Variants in ATXN2 observed in about 807,000 individuals in gnomAD.
ATXN2 encodes ataxin-2.
Under a neutral mutation model 138.6 loss-of-function variants are expected in ATXN2, and 37 were observed. That is an observed-to-expected ratio of 0.27 (90% CI 0.21 to 0.35). The LOEUF (loss-of-function observed/expected upper bound fraction) is 0.35. ATXN2 is among the 10% of genes least tolerant of loss of function. The pLI is 1.00. For synonymous variants in ATXN2, 549 were observed against 543.7 expected (o/e 1.01, Z -0.13); for missense variants, 1,216 against 1,480.3 (o/e 0.82, Z 2.93).
intron 1 of ATXN2, among the ~76,000 whole-genome samples, chr12:111,582,216 G>A (rs549259617): frequency 1.3e-5 from 2 of 152,128 alleles, no homozygotes; most frequent in Admixed American, 6.6e-5. Flanking sequence ...GGCGAAGGCG[G>A]GCAGATCACT....
At position 111,590,587 on chromosome 12, in the gene ATXN2, A is replaced by G. The variant is rs1436180541; in HGVS notation, c.251+8197T>C. Among the ~76,000 whole-genome samples the G allele has an allele frequency of 2.0e-5, 3 of 152,012 alleles. No individual in the cohort carries two copies. The East Asian group carries it at 5.9e-4, about 30-fold the overall frequency. ...GTAGTACCAACTACATGGGAGGCTA[A>G]GGCAGGAGAATCGCTTGAACCCGGG... On this transcript the variant is annotated intron_variant, in intron 1 of 24. Transcript: ENST00000673436.
chr12:111,573,230 T>C (rs1883441538), intron 1 of ATXN2, among the ~76,000 whole-genome samples: 1 of 152,152 alleles, frequency 6.6e-6, no homozygotes, highest in Admixed American at 6.6e-5. Flanking sequence ...TCTTGCTTTG[T>C]TGCCTACGCT....
Position 111,453,440 on chromosome 12 carries a change from T to A in ATXN2, c.3439+237A>T. ...TGCATCAGGCTGCTGTTGCTGCTGC[T>A]GCTGCTTCTCATCAAGCCAAATCCT... On this transcript the variant is annotated intron_variant, in intron 24 of 24. Coordinates refer to ENST00000673436, the MANE Select transcript of ATXN2 (RefSeq NM_001372574.1). The surrounding 1 kb of genome is among the most constrained non-coding windows in gnomAD (Gnocchi z 5.4). The A allele has an allele frequency of 8.0e-7, 1 of 1,256,526 alleles. No individual in the cohort carries two copies. 77.8% of individuals were successfully genotyped at this position (1,256,526 alleles called of 1,614,324 possible). A position where few individuals can be genotyped will look rare whatever the true frequency, so the allele number is the denominator to read the frequency against.
intron 14 of ATXN2, among the ~76,000 whole-genome samples, chr12:111,507,433 AC>A (rs1879215421): frequency 6.7e-6 from 1 of 148,282 alleles, no homozygotes; most frequent in Non-Finnish European, 1.5e-5. Context: ...CCTGGCAGCC[AC>A]CCCGTCTGGG....
chr12:111,531,962 A>G (rs777879897), intron 5 of ATXN2, among the ~76,000 whole-genome samples: 4 of 152,270 alleles, frequency 2.6e-5, no homozygotes, highest in Admixed American at 6.5e-5. Flanking sequence ...ATCTGTTGGC[A>G]TAGTAACATA....
At chr12:111,504,687 T>C (rs1027249165) in intron 14 of ATXN2, among the ~76,000 whole-genome samples, 17 of 152,286 alleles carry the variant, frequency 1.1e-4, no homozygotes, top group African/African-American at 4.1e-4. Context: ...GTTATAAGTG[T>C]ATGGTTATGT....
chr12:111,502,169 G>A (rs948742570), intron 14 of ATXN2, among the ~76,000 whole-genome samples: 8 of 151,880 alleles, frequency 5.3e-5, no homozygotes, highest in Non-Finnish European at 1.0e-4. Context: ...CTAAGATTCA[G>A]GCATGAGCCA....
intron 20 of ATXN2, among the ~76,000 whole-genome samples, chr12:111,466,201 T>TAA (rs770117015): frequency 1.0e-4 from 12 of 119,162 alleles, no homozygotes; most frequent in African/African-American, 2.7e-4. Flanking sequence ...AAATAAAAAA[T>TAA]AAAAAAAAAA....
chr12:111,588,483 G>A (rs1386935180), intron 1 of ATXN2, among the ~76,000 whole-genome samples: 4 of 151,756 alleles, frequency 2.6e-5, no homozygotes, highest in Non-Finnish European at 5.9e-5. Flanking sequence ...TTAGCCAGGC[G>A]AGATGGTGCG....
chr12:111,553,604 A>AAAATTTTTTTTTTT (rs1882237738), intron 3 of ATXN2, among the ~76,000 whole-genome samples: 4 of 85,004 alleles, frequency 4.7e-5, no homozygotes, highest in African/African-American at 7.6e-5. Context: ...AAAAAAAAAA[A>AAAATTTTTTTTTTT]TTTTTTTTTT....
chr12:111,588,991 C>CAAAAAAAAAAAAAA lies in ATXN2; in HGVS notation c.251+9779_251+9792dup, dbSNP rs58116265. Among the ~76,000 whole-genome samples the CAAAAAAAAAAAAAA allele has an allele frequency of 5.7e-4, 22 of 38,706 alleles. 1 individual carries two copies. The highest frequency in any genetic ancestry group is 3.7e-3 in the East Asian group (2 of 534). 25.4% of individuals were successfully genotyped at this position (38,706 alleles called of 152,430 possible). A position where few individuals can be genotyped will look rare whatever the true frequency, so the allele number is the denominator to read the frequency against. On this transcript the variant is annotated intron_variant, in intron 1 of 24. Coordinates refer to ENST00000673436, the MANE Select transcript of ATXN2 (RefSeq NM_001372574.1). ...GCCTGGGCGACAGAGCGAGATTTCT[C>CAAAAAAAAAAAAAA]AAAAAAAAAAAAAAAAAAAAAAAAA...
intron 5 of ATXN2, among the ~76,000 whole-genome samples, chr12:111,539,731 AG>A (rs1428179737): frequency 6.7e-6 from 1 of 150,224 alleles, no homozygotes; most frequent in Admixed American, 6.7e-5. Context: ...CCTGGGCAAC[AG>A]AGCAAGACTC....
At chr12:111,483,621 T>C (rs1048254240) in intron 18 of ATXN2, among the ~76,000 whole-genome samples, 3 of 151,770 alleles carry the variant, frequency 2.0e-5, no homozygotes, top group African/African-American at 7.3e-5. Context: ...CTTCCCAGAG[T>C]GTTGGGCTTA....
chr12:111,466,709 A>G (rs557871732), intron 20 of ATXN2, among the ~76,000 whole-genome samples: 30 of 152,334 alleles, frequency 2.0e-4, no homozygotes, highest in Admixed American at 1.8e-3. Flanking sequence ...TAGTGGTCCT[A>G]TGTTTTCAAT....
At chr12:111,576,132 T>TAACATAACA (rs147474684) in intron 1 of ATXN2, among the ~76,000 whole-genome samples, 2,618 of 138,580 alleles carry the variant, frequency 0.019, 105 homozygotes, top group African/African-American at 0.065. Context: ...TAACATAACA[T>TAACATAACA]AACATCACAC....
intron 16 of ATXN2, among the ~76,000 whole-genome samples, chr12:111,486,247 T>C (rs771778166): frequency 7.2e-5 from 11 of 152,252 alleles, no homozygotes; most frequent in Non-Finnish European, 1.3e-4. Flanking sequence ...CTTGGAATGC[T>C]CAAGTCCCTT....
chr12:111,542,621 C>G (rs932082800), intron 5 of ATXN2, among the ~76,000 whole-genome samples: 3 of 152,138 alleles, frequency 2.0e-5, no homozygotes, highest in Non-Finnish European at 2.9e-5. Flanking sequence ...AGTACACCAC[C>G]ACACCCGGCT....
intron 14 of ATXN2, among the ~76,000 whole-genome samples, chr12:111,505,543 A>T (rs901086357): frequency 6.6e-6 from 1 of 152,266 alleles, no homozygotes; most frequent in African/African-American, 2.4e-5. Context: ...AGATTTGAAC[A>T]GACATCAATC....
At chr12:111,572,667 T>G (rs1028527556) in intron 1 of ATXN2, among the ~76,000 whole-genome samples, 1 of 152,194 alleles carries the variant, frequency 6.6e-6, no homozygotes, top group East Asian at 1.9e-4. Flanking sequence ...AATAACAGCA[T>G]AGCCAAGAAT....
Sources: gnomAD v4.1 joint callset for allele counts (sites outside exome capture counted in the v4.1 genomes callset) on GRCh38, gnomAD v4.1.1 for gene constraint, Gnocchi (gnomAD v3.1) non-coding constraint, MANE v1.5 for transcripts, NCBI Gene and HGNC (gene_info 2026-07-23, HGNC 2026-07-21) for gene names.